USP47: variants seen among roughly 807,000 people sequenced by gnomAD.
USP47 encodes ubiquitin carboxyl-terminal hydrolase 47.
A neutral mutation model predicts 165.1 loss-of-function variants in USP47; 35 were observed. That is an observed-to-expected ratio of 0.21 (90% CI 0.16 to 0.28). The LOEUF (loss-of-function observed/expected upper bound fraction) is 0.28, where lower values mean the gene tolerates loss of function less well. Among genes scored for constraint, USP47 ranks in the 10% least tolerant of loss-of-function variants. The probability of loss-of-function intolerance (pLI) is 1.00; values close to 1 mark genes in which losing one functional copy is unlikely to be tolerated. For missense variants in USP47, 1,277 were observed against 1,607.4 expected (o/e 0.79, Z 3.52); for synonymous variants, 531 against 544.5 (o/e 0.98, Z 0.35).
chr11:11,904,161 C>T (rs1023367024), intron 7 of USP47, among the ~76,000 whole-genome samples: 1 of 152,144 alleles, frequency 6.6e-6, no homozygotes, highest in African/African-American at 2.4e-5. Flanking sequence ...CAGTTATATG[C>T]ACTGGGTTGC....
intron 8 of USP47, among the ~76,000 whole-genome samples, chr11:11,913,281 C>CACCTGAACTAAT (rs1853151734): frequency 8.4e-6 from 1 of 119,288 alleles, no homozygotes; most frequent in Non-Finnish European, 1.8e-5. Context: ...AAAAAAACAA[C>CACCTGAACTAAT]ACCTGAACTA....
At chr11:11,948,148 A>C (rs1855970209) in intron 21 of USP47, 28 bp downstream of exon 21, 1 of 1,587,758 alleles carries the variant, frequency 6.3e-7, no homozygotes, top group South Asian at 1.2e-5. Context: ...TCGAGTAGTT[A>C]GAGTCTATTT....
chr11:11,871,594 T>C (rs1444357098), intron 1 of USP47, among the ~76,000 whole-genome samples: 1 of 150,946 alleles, frequency 6.6e-6, no homozygotes, highest in East Asian at 1.9e-4. Context: ...CCTGTGGTTC[T>C]TTCCCTTGCC....
At chr11:11,899,490 C>A (rs184945853) in intron 5 of USP47, among the ~76,000 whole-genome samples, 1 of 152,020 alleles carries the variant, frequency 6.6e-6, no homozygotes, top group African/African-American at 2.4e-5. Context: ...TATATAAGCT[C>A]ATTTCACAGA....
chr11:11,942,595 A>G lies in USP47; in HGVS notation c.2574A>G (p.Glu858=). The change falls in exon 20 of 28, where the codon GAA becomes GAG. Residue 858 remains glutamate (E), a synonymous_variant. Transcript: ENST00000527733. ...SVEAILEEST[E]KLKSLSLQQQ... Reference sequence around the variant, plus strand: ...AAGCTATTCTAGAAGAAAGCACTGAAAAACTCAAAAGCTTGTCACTGCAGC... The same window carrying G: ...AAGCTATTCTAGAAGAAAGCACTGAGAAACTCAAAAGCTTGTCACTGCAGC... 6.2e-7 allele frequency: 1 copy of G among 1,613,554 alleles called. No individual in the cohort carries two copies. The highest frequency in any genetic ancestry group is 8.5e-7 in the Non-Finnish European group (1 of 1,179,744).
At chr11:11,877,836 TGTGTGTGTGTGTGTGTGTGTGTGC>T (rs1447561569) in intron 1 of USP47, among the ~76,000 whole-genome samples, 13 of 89,728 alleles carry the variant, frequency 1.4e-4, no homozygotes, top group South Asian at 4.5e-4. Flanking sequence ...TGTGTGTGTG[TGTGTGTGTGTGTGTGTGTGTGTGC>T]GCGCGCGCAG....
chr11:11,904,867 CT>C (rs1010486267), intron 7 of USP47, among the ~76,000 whole-genome samples: 3 of 152,032 alleles, frequency 2.0e-5, no homozygotes, highest in Non-Finnish European at 4.4e-5. Context: ...ATGTATATTA[CT>C]GAAAGCTAAA....
At chr11:11,944,504 A>G (rs1460784338) in intron 20 of USP47, among the ~76,000 whole-genome samples, 1 of 152,194 alleles carries the variant, frequency 6.6e-6, no homozygotes, top group Non-Finnish European at 1.5e-5. Context: ...TTAAATTTCT[A>G]TGGAGTATGT....
intron 4 of USP47, among the ~76,000 whole-genome samples, chr11:11,896,423 TC>T (rs1313311495): frequency 6.6e-6 from 1 of 152,142 alleles, no homozygotes; most frequent in African/African-American, 2.4e-5. Flanking sequence ...AGAAAAGAAA[TC>T]CCAGAGCAGC....
In USP47 at chr11:11,842,156, C is replaced by T; in HGVS notation, c.-30C>T. On this transcript the variant is annotated 5_prime_UTR_variant, in exon 1 of 28. Coordinates refer to ENST00000527733, the MANE Select transcript of USP47 (RefSeq NM_001282659.2). ...GCCGCCACCCTCCACCCTCCCCCGG[C>T]AGGGCGGAGAGGAGCGGCCGGAGTC... 4.5e-6 allele frequency: 7 copies of T among 1,551,292 alleles called. No individual in the cohort carries two copies. The highest frequency in any genetic ancestry group is 6.1e-6 in the Non-Finnish European group (7 of 1,146,590).
intron 8 of USP47, among the ~76,000 whole-genome samples, chr11:11,918,837 AC>A (rs1441306767): frequency 6.6e-6 from 1 of 151,966 alleles, no homozygotes; most frequent in African/African-American, 2.4e-5. Context: ...AGTTTAAATT[AC>A]CACTATTTGG....
At position 11,919,621 on chromosome 11, in the gene USP47, G is replaced by A. The variant is rs1353258461; in HGVS notation, c.970-535G>A. Among the ~76,000 whole-genome samples, 4 of 151,782 alleles carry A rather than the reference G, an allele frequency of 2.6e-5. No homozygotes were observed. In the East Asian group the frequency reaches 7.7e-4, roughly 29 times the overall value. ...ACAGTATCTCACACACACACAGAAG[G>A]TTGCACAGTGTTTTTCAATCTTTAT... On this transcript the variant is annotated intron_variant, in intron 8 of 27. Coordinates refer to ENST00000527733, the MANE Select transcript of USP47 (RefSeq NM_001282659.2).
chr11:11,917,812 TGACTGAGATAGGACCA>T (rs1445825101), intron 8 of USP47, among the ~76,000 whole-genome samples: 1 of 152,028 alleles, frequency 6.6e-6, no homozygotes, highest in African/African-American at 2.4e-5. Flanking sequence ...TACACAGTAG[TGACTGAGATAGGACCA>T]AGCATACCAG....
At position 11,891,920 on chromosome 11, in the gene USP47, T is replaced by G. The variant is rs770295544; in HGVS notation, c.358-48T>G. ...ACAGGAAATGGTGAATGCTGTTGTTTCAGCAACATTTGCTATTTACTAACT... is the reference window on the plus strand; with the variant it reads ...ACAGGAAATGGTGAATGCTGTTGTTGCAGCAACATTTGCTATTTACTAACT... On this transcript the variant is annotated intron_variant, in intron 3 of 27. Transcript: ENST00000527733. 3.7e-5 allele frequency: 59 copies of G among 1,580,510 alleles called. 1 individual carries two copies. The South Asian group carries it at 6.6e-4, about 18-fold the overall frequency.
intron 8 of USP47, among the ~76,000 whole-genome samples, chr11:11,907,080 T>C (rs547049556): frequency 6.6e-6 from 1 of 152,354 alleles, no homozygotes; most frequent in Non-Finnish European, 1.5e-5. Flanking sequence ...TCAGCAAATA[T>C]AATTGCTCAG....
rs538664103 is a variant in USP47 at position 11,853,677 on chromosome 11, T to C, written c.39+11453T>C. 2.8e-4 allele frequency among the ~76,000 whole-genome samples: 43 copies of C among 152,314 alleles called. 1 individual carries two copies. In the South Asian group the frequency reaches 8.9e-3, roughly 32 times the overall value. On this transcript the variant is annotated intron_variant, in intron 1 of 27. Transcript: ENST00000527733. Reference sequence around the variant, plus strand: ...CTTCTTTCATTTAATGAAACTAAACTGAAACATGCATACATAAAGTATCCA... The same window carrying C: ...CTTCTTTCATTTAATGAAACTAAACCGAAACATGCATACATAAAGTATCCA...
chr11:11,897,541 TTTG>T, intron 4 of USP47, 53 bp from the exon 5 acceptor site: 1 of 1,260,652 alleles, frequency 7.9e-7, no homozygotes, highest in Non-Finnish European at 1.1e-6. Flanking sequence ...TTATTATGTT[TTTG>T]TTATTTTTAA....
At chr11:11,893,495 TG>T (rs1317152374) in intron 4 of USP47, among the ~76,000 whole-genome samples, 5 of 152,204 alleles carry the variant, frequency 3.3e-5, no homozygotes, top group Middle Eastern at 3.4e-3. Flanking sequence ...GGAGTGCAGT[TG>T]TAAGATCATA....
rs997324569 is a variant in USP47, at chr11:11,842,194, C to A, written c.9C>A (p.Pro3=). 1 of 1,553,908 alleles carries A rather than the reference C, an allele frequency of 6.4e-7. No homozygotes were observed. The highest frequency in any genetic ancestry group is 2.4e-5 in the East Asian group (1 of 41,494). Residue 3 remains proline, a synonymous_variant, in exon 1 of 28, where the codon CCC becomes CCA. Transcript: ENST00000527733. MV[P]GEENQLVPKE... ...AGCGGCCGGAGTCAGCGATGGTGCC[C>A]GGCGAGGAGAACCAACTGGTCCCGA... is the stretch of plus-strand genomic sequence containing the variant.
Sources: gnomAD v4.1 joint callset for allele counts (sites outside exome capture counted in the v4.1 genomes callset) on GRCh38, gnomAD v4.1.1 for gene constraint, MANE v1.5 for transcripts, NCBI Gene and HGNC (gene_info 2026-07-23, HGNC 2026-07-21) for gene names.